The following TBC1D8 variants were observed in gnomAD, a reference collection of about 807,000 sequenced individuals.
TBC1D8 encodes the protein TBC1 domain family member 8, also known as BUB2-like protein 1.
In TBC1D8, 65 loss-of-function variants were observed where a neutral mutation model predicts 118.8. That is an observed-to-expected ratio of 0.55 (90% CI 0.45 to 0.67). The LOEUF (loss-of-function observed/expected upper bound fraction) is 0.67, where lower values mean the gene tolerates loss of function less well. Among genes scored for constraint, TBC1D8 ranks in the 30% least tolerant of loss-of-function variants. The pLI, the probability that TBC1D8 is intolerant of heterozygous loss-of-function variation, is 0.00. For synonymous variants in TBC1D8, 566 were observed against 595.8 expected (o/e 0.95, Z 0.73); for missense variants, 1,376 against 1,471.2 (o/e 0.94, Z 1.06).
chr2:101,070,539 A>G (rs963239288), intron 2 of TBC1D8, among the ~76,000 whole-genome samples: 2 of 151,536 alleles, frequency 1.3e-5, no homozygotes, highest in Non-Finnish European at 2.9e-5. Context: ...CAGCCTCCCT[A>G]GGAGCTAGGA....
At chr2:101,098,253 G>A (rs1176531954) in intron 1 of TBC1D8, among the ~76,000 whole-genome samples, 1 of 152,012 alleles carries the variant, frequency 6.6e-6, no homozygotes, top group African/African-American at 2.4e-5. Flanking sequence ...TTAGCCAGGT[G>A]TGGTGGCAGG....
chr2:101,096,881 G>A (rs149313920), intron 1 of TBC1D8, among the ~76,000 whole-genome samples: 48 of 151,980 alleles, frequency 3.2e-4, no homozygotes, highest in Admixed American at 7.2e-4. Context: ...CAAGATGTAC[G>A]TAATTGGAAT....
intron 1 of TBC1D8, among the ~76,000 whole-genome samples, chr2:101,144,943 A>C (rs1327509653): frequency 6.6e-6 from 1 of 152,224 alleles, no homozygotes; most frequent in Non-Finnish European, 1.5e-5. Flanking sequence ...GTCTCCAAAA[A>C]TAAAAATAAA....
intron 1 of TBC1D8, among the ~76,000 whole-genome samples, chr2:101,105,587 CAAATT>C (rs1677147940): frequency 3.9e-5 from 4 of 103,430 alleles, no homozygotes; most frequent in Non-Finnish European, 6.0e-5. Context: ...GACTCTGTCT[CAAATT>C]AAAAAAAAAA....
chr2:101,053,002 C>A (rs1292534977), intron 4 of TBC1D8, among the ~76,000 whole-genome samples: 1 of 152,188 alleles, frequency 6.6e-6, no homozygotes, highest in Non-Finnish European at 1.5e-5. Flanking sequence ...AAGTGCCTGC[C>A]CTGCATTGAA....
chr2:101,082,273 G>A (rs2105448426), intron 2 of TBC1D8, among the ~76,000 whole-genome samples: 1 of 152,306 alleles, frequency 6.6e-6, no homozygotes, highest in South Asian at 2.1e-4. Context: ...ACAACAGCCT[G>A]GACTTTCCAA....
chr2:101,062,488 T>C (rs1415695004), intron 2 of TBC1D8, among the ~76,000 whole-genome samples: 1 of 152,194 alleles, frequency 6.6e-6, no homozygotes, highest in African/African-American at 2.4e-5. Context: ...TTCCAGATGC[T>C]ATCTCACAGA....
At chr2:101,090,441 C>T (rs1042785292) in intron 1 of TBC1D8, 77 bp from the exon 2 acceptor site, 22 of 1,510,872 alleles carry the variant, frequency 1.5e-5, no homozygotes, top group Admixed American at 1.8e-5. Context: ...GGCATGTGGT[C>T]GCTGTCTGGA....
At chr2:101,081,048 T>C (rs1365111365) in intron 2 of TBC1D8, among the ~76,000 whole-genome samples, 1 of 152,174 alleles carries the variant, frequency 6.6e-6, no homozygotes, top group East Asian at 1.9e-4. Context: ...AGTACTGGGA[T>C]TATGGGAGCA....
At chr2:101,035,153 C>T (rs1216564812) in intron 9 of TBC1D8, among the ~76,000 whole-genome samples, 1 of 152,104 alleles carries the variant, frequency 6.6e-6, no homozygotes, top group Non-Finnish European at 1.5e-5. Context: ...GCACAGGTAC[C>T]CAGCCCAGCC....
chr2:101,076,064 C>T (rs577676189), intron 2 of TBC1D8, among the ~76,000 whole-genome samples: 1 of 152,226 alleles, frequency 6.6e-6, no homozygotes, highest in Non-Finnish European at 1.5e-5. Context: ...CTTGTCATCA[C>T]TGCAGATGAC....
intron 8 of TBC1D8, among the ~76,000 whole-genome samples, chr2:101,036,655 A>T (rs772819354): frequency 8.5e-5 from 13 of 152,194 alleles, no homozygotes; most frequent in Non-Finnish European, 1.8e-4. Context: ...CCTGAAAAAA[A>T]CTGCATTGTT....
Position 101,011,534 on chromosome 2 carries a change from G to A in TBC1D8, c.2834C>T (p.Thr945Ile). The A allele has an allele frequency of 6.2e-7, 1 of 1,613,962 alleles. No individual in the cohort carries two copies. The highest frequency in any genetic ancestry group is 1.1e-5 in the South Asian group (1 of 91,082). ...LYRLHIPPAL[T>I]ENDRDSQSPL... is the part of the protein sequence containing the mutation. ...CGACTGGCTGTCTCGGTCATTTTCA[G>A]TGAGTGCTTAAAAAAAGATGAGAGG... Residue 945 changes from threonine to isoleucine, a missense_variant, in exon 18 of 20, where the codon ACT (threonine) becomes ATT (isoleucine). Thr to Ile is a moderately conservative substitution (Grantham distance 89). Coordinates refer to ENST00000409318, the MANE Select transcript of TBC1D8 (RefSeq NM_001330348.2).
intron 1 of TBC1D8, among the ~76,000 whole-genome samples, chr2:101,149,119 C>CTTTT (rs1055362764): frequency 6.6e-6 from 1 of 152,216 alleles, no homozygotes; most frequent in African/African-American, 2.4e-5. Context: ...CAAGTGTCCT[C>CTTTT]TTTTTGTAGA....
At position 101,007,952 on chromosome 2, in the gene TBC1D8, A is replaced by G; in HGVS notation, c.3337T>C (p.Leu1113=). 1 of 1,614,028 alleles carries G rather than the reference A, an allele frequency of 6.2e-7. No individual in the cohort carries two copies. Among genetic ancestry groups the G allele is most frequent in the Non-Finnish European group, 8.5e-7 (1 of 1,179,894 alleles). Residue 1113 remains leucine (L), a synonymous_variant, in exon 20 of 20, where the codon TTA becomes CTA. Transcript: ENST00000409318. Reference sequence around the variant, plus strand: ...AGTGGCTTTTCAAAAAAGTTGACTAATGACTGTTCAGTCAGAAGTGAAGCT... The same window carrying G: ...AGTGGCTTTTCAAAAAAGTTGACTAGTGACTGTTCAGTCAGAAGTGAAGCT... ...ILASLLTEQS[L]VNFFEKPLDM...
chr2:101,140,989 C>A (rs1261580073), intron 1 of TBC1D8, among the ~76,000 whole-genome samples: 1 of 151,822 alleles, frequency 6.6e-6, no homozygotes, highest in Non-Finnish European at 1.5e-5. Context: ...CTCAAACCTC[C>A]GACCTCAGGT....
At chr2:101,018,406 G>A (rs1157235701) in intron 17 of TBC1D8, 1 of 156,710 alleles carries the variant, frequency 6.4e-6, no homozygotes, top group Non-Finnish European at 1.4e-5. Flanking sequence ...CTGCAAATTG[G>A]AATTATTCAA....
chr2:101,143,022 T>A (rs1331312036), intron 1 of TBC1D8, among the ~76,000 whole-genome samples: 1 of 151,844 alleles, frequency 6.6e-6, no homozygotes, highest in Non-Finnish European at 1.5e-5. Context: ...GATATCTTAC[T>A]AAGGCACTGT....
chr2:101,127,802 G>A (rs756799715), intron 1 of TBC1D8, among the ~76,000 whole-genome samples: 5 of 152,198 alleles, frequency 3.3e-5, no homozygotes, highest in Non-Finnish European at 5.9e-5. Flanking sequence ...TGGAGGATGT[G>A]AGGGTCACAG....
Sources: gnomAD v4.1 joint callset for allele counts (sites outside exome capture counted in the v4.1 genomes callset) on GRCh38, gnomAD v4.1.1 for gene constraint, MANE v1.5 for transcripts, NCBI Gene and HGNC (gene_info 2026-07-23, HGNC 2026-07-21) for gene names.